The following RAB3IL1 variants were observed in gnomAD, a reference collection of about 807,000 sequenced individuals.
RAB3IL1 encodes the protein guanine nucleotide exchange factor for Rab-3A.
RAB3IL1 carries 37 observed loss-of-function variants against 49.2 expected under a neutral mutation model. The ratio of observed to expected loss-of-function variants is 0.75; its 90% CI spans 0.58 to 0.99. RAB3IL1 has a LOEUF of 0.99. RAB3IL1 is among the 50% of genes least tolerant of loss of function. RAB3IL1 has a pLI of 0.00. For synonymous variants in RAB3IL1, 193 were observed against 213.9 expected, an observed-to-expected ratio of 0.90 and a Z score of 0.85; for missense variants, 484 against 513.0, an observed-to-expected ratio of 0.94 and a Z score of 0.55.
At chr11:61,902,010 C>A (rs973345539) in intron 8 of RAB3IL1, among the ~76,000 whole-genome samples, 1 of 152,230 alleles carries the variant, frequency 6.6e-6, no homozygotes, top group Non-Finnish European at 1.5e-5. Flanking sequence ...AGCCTGTACC[C>A]TGCTCTGTAA....
At chr11:61,944,259 C>T in the RAB3IL1 span, among the ~76,000 whole-genome samples, 1 of 150,224 alleles carries the variant, frequency 6.7e-6, no homozygotes, top group East Asian at 1.9e-4. Context: ...TCCTTCCTTC[C>T]TTCCTTCCTT....
the RAB3IL1 span, among the ~76,000 whole-genome samples, chr11:61,933,179 GT>G: frequency 6.6e-6 from 1 of 152,178 alleles, no homozygotes; most frequent in Non-Finnish European, 1.5e-5. Context: ...AACTGTAAAT[GT>G]TACCTTATAT....
At chr11:61,920,779 C>T (rs745664458), upstream of RAB3IL1, among the ~76,000 whole-genome samples, 10 of 151,922 alleles carry the variant, frequency 6.6e-5, no homozygotes, top group Non-Finnish European at 1.2e-4. Context: ...CAAAATTAGC[C>T]GGGCATGGTG....
the RAB3IL1 span, among the ~76,000 whole-genome samples, chr11:61,934,731 C>G: frequency 1.3e-5 from 2 of 151,604 alleles, no homozygotes; most frequent in African/African-American, 4.9e-5. Flanking sequence ...TTGTAAATTG[C>G]CTGGCTTAGA....
At chr11:61,917,226 C>T in intron 1 of RAB3IL1, 131 bp downstream of exon 1, 1 of 1,258,772 alleles carries the variant, frequency 7.9e-7, no homozygotes, top group East Asian at 3.3e-5. Context: ...GGCTCGCCTG[C>T]AGGCAGGGCG....
the RAB3IL1 span, among the ~76,000 whole-genome samples, chr11:61,932,112 G>C: frequency 2.0e-5 from 3 of 151,892 alleles, no homozygotes; most frequent in Non-Finnish European, 4.4e-5. Flanking sequence ...TTAGCTGGGC[G>C]TGGTGGCGGG....
chr11:61,900,073 C>A (rs575610149), intron 8 of RAB3IL1, among the ~76,000 whole-genome samples: 4 of 152,348 alleles, frequency 2.6e-5, no homozygotes, highest in South Asian at 4.1e-4. Flanking sequence ...GAGGTGCCCC[C>A]CTCTGTACTC....
the RAB3IL1 span, among the ~76,000 whole-genome samples, chr11:61,934,454 A>G: frequency 0.15 from 2,224 of 14,532 alleles, 94 homozygotes; most frequent in Non-Finnish European, 0.18. Context: ...GTGTATGTAT[A>G]TATATATATA....
Position 61,897,560 on chromosome 11 carries a change from G to A in RAB3IL1, c.*718C>T, listed in dbSNP as rs936957046. 6.6e-6 allele frequency: 1 copy of A among 152,200 alleles called. No individual in the cohort carries two copies. The highest frequency in any genetic ancestry group is 1.5e-5 in the Non-Finnish European group (1 of 68,078). 9.4% of individuals were successfully genotyped at this position (152,200 alleles called of 1,614,324 possible). ...TCTGTGTTCTACTGTGGCAGAAAGT[G>A]CCCCAGTCCTTCCAGCGGTTTTGGG... On this transcript the variant is annotated 3_prime_UTR_variant, in exon 10 of 10. Coordinates refer to ENST00000394836, the MANE Select transcript of RAB3IL1 (RefSeq NM_013401.4).
upstream of RAB3IL1, among the ~76,000 whole-genome samples, chr11:61,923,846 A>G (rs1468308567): frequency 6.6e-6 from 1 of 152,184 alleles, no homozygotes; most frequent in Non-Finnish European, 1.5e-5. Flanking sequence ...GGAGGGAAAG[A>G]GGACGCTGGT....
chr11:61,917,380 G>C lies in RAB3IL1; in HGVS notation c.-13C>G. The C allele has an allele frequency of 2.4e-6, 3 of 1,246,210 alleles. No individual in the cohort carries two copies. Among genetic ancestry groups the C allele is most frequent in the South Asian group, 6.5e-5 (2 of 30,952 alleles). 77.2% of individuals were successfully genotyped at this position (1,246,210 alleles called of 1,614,324 possible). On this transcript the variant is annotated 5_prime_UTR_variant, in exon 1 of 10. Coordinates refer to ENST00000394836, the MANE Select transcript of RAB3IL1 (RefSeq NM_013401.4). Reference sequence around the variant, plus strand: ...ACCCGCTCCACATCCCGGCGCCTCGGGGCGCCCAGGCGTCCGTTCCCAGCG... The same window carrying C: ...ACCCGCTCCACATCCCGGCGCCTCGCGGCGCCCAGGCGTCCGTTCCCAGCG...
the RAB3IL1 span, among the ~76,000 whole-genome samples, chr11:61,944,715 A>G: frequency 1.3e-5 from 2 of 152,064 alleles, no homozygotes; most frequent in Non-Finnish European, 2.9e-5. Context: ...TTTGTTTTGG[A>G]CACGGAGTTT....
chr11:61,935,466 G>T, the RAB3IL1 span, among the ~76,000 whole-genome samples: 1 of 151,234 alleles, frequency 6.6e-6, no homozygotes, highest in Non-Finnish European at 1.5e-5. Flanking sequence ...AGGAAGCACA[G>T]ACATTAGACT....
chr11:61,904,444 C>G, intron 7 of RAB3IL1, 102 bp downstream of exon 7: 2 of 1,156,806 alleles, frequency 1.7e-6, no homozygotes, highest in Non-Finnish European at 2.5e-6. Context: ...TGTCCCTGTC[C>G]TGTCGGCGCT....
intron 8 of RAB3IL1, among the ~76,000 whole-genome samples, chr11:61,901,598 G>A (rs1938919882): frequency 6.6e-6 from 1 of 152,258 alleles, no homozygotes; most frequent in South Asian, 2.1e-4. Context: ...CAGCCGACTG[G>A]AGAGTGGCCC....
intron 1 of RAB3IL1, among the ~76,000 whole-genome samples, chr11:61,909,202 G>A (rs1003515029): frequency 6.6e-6 from 1 of 152,210 alleles, no homozygotes; most frequent in African/African-American, 2.4e-5. Context: ...GGGATGGGGG[G>A]CTGGGCGGGC....
intron 1 of RAB3IL1, among the ~76,000 whole-genome samples, chr11:61,913,957 G>A (rs2134350379): frequency 6.6e-6 from 1 of 152,214 alleles, no homozygotes; most frequent in Middle Eastern, 3.4e-3. Flanking sequence ...AGGAACAGCA[G>A]GAAAGATCTC....
At chr11:61,917,576 G>T (rs925440956), upstream of RAB3IL1, 5 of 1,080,376 alleles carry the variant, frequency 4.6e-6, no homozygotes, top group Non-Finnish European at 1.1e-6. Flanking sequence ...CGTGGCGGAG[G>T]GGGGAGCGGC....
rs138294628 is a variant in RAB3IL1, at chr11:61,900,556, C to T, written c.1000-1176G>A. 1.7e-3 allele frequency among the ~76,000 whole-genome samples: 252 copies of T among 152,202 alleles called. 1 individual carries two copies. The highest frequency in any genetic ancestry group is 5.5e-3 in the African/African-American group (228 of 41,526). ...CACAGGGAGGGTTGAGGAGAGGCTG[C>T]GGCAGGAGGGTGGGGCAGGGCAGAG... is the stretch of plus-strand genomic sequence containing the variant. On this transcript the variant is annotated intron_variant, in intron 8 of 9. Transcript: ENST00000394836.
Sources: gnomAD v4.1 joint callset for allele counts (sites outside exome capture counted in the v4.1 genomes callset) on GRCh38, gnomAD v4.1.1 for gene constraint, MANE v1.5 for transcripts, NCBI Gene and HGNC (gene_info 2026-07-23, HGNC 2026-07-21) for gene names.